The following SNX29 variants were observed in gnomAD, a reference collection of about 807,000 sequenced individuals.
SNX29 encodes sorting nexin-29.
In SNX29, 78 loss-of-function variants were observed where a neutral mutation model predicts 102.1. The ratio of observed to expected loss-of-function variants is 0.76; its 90% CI spans 0.64 to 0.92. The LOEUF (loss-of-function observed/expected upper bound fraction) is 0.92, where lower values mean the gene tolerates loss of function less well. Ranked by LOEUF, SNX29 falls within the 40% of genes least tolerant of loss-of-function variation. The pLI is 0.00. For synonymous variants in SNX29, 580 were observed against 414.5 expected (o/e 1.40, Z -4.85); for missense variants, 1,280 against 1,061.7 (o/e 1.21, Z -2.86).
intron 15 of SNX29, among the ~76,000 whole-genome samples, chr16:12,306,645 A>G (rs1410725746): frequency 6.6e-6 from 1 of 152,190 alleles, no homozygotes; most frequent in Non-Finnish European, 1.5e-5. Context: ...AAGTTTAATG[A>G]TGATTACACT....
At chr16:12,464,080 T>TC (rs1248218934) in intron 18 of SNX29, among the ~76,000 whole-genome samples, 1 of 152,076 alleles carries the variant, frequency 6.6e-6, no homozygotes, top group East Asian at 1.9e-4. Context: ...CCATAGAACT[T>TC]CACTCACGTC....
At chr16:12,207,709 G>C (rs79874415) in intron 14 of SNX29, among the ~76,000 whole-genome samples, 1 of 152,038 alleles carries the variant, frequency 6.6e-6, no homozygotes, top group African/African-American at 2.4e-5. Flanking sequence ...TTTGTGGTAC[G>C]ATCCAGCTCT....
rs983846232 is a variant in SNX29 at position 12,571,850 on chromosome 16, C to G, written c.*3221C>G. ...CCCACTTAGCAGTATGCTCCAATCA[C>G]GTTGCTGGCAAGGCATTTTAGAGTT... On this transcript the variant is annotated 3_prime_UTR_variant, in exon 21 of 21. Coordinates refer to ENST00000566228, the MANE Select transcript of SNX29 (RefSeq NM_032167.5). 1 of 1,057,942 alleles carries G rather than the reference C, an allele frequency of 9.5e-7. No homozygotes were observed. Among genetic ancestry groups the G allele is most frequent in the African/African-American group, 1.6e-5 (1 of 60,890 alleles). 65.5% of individuals were successfully genotyped at this position (1,057,942 alleles called of 1,614,324 possible). A position where few individuals can be genotyped will look rare whatever the true frequency, so the allele number is the denominator to read the frequency against.
chr16:12,014,098 A>G lies in SNX29; in HGVS notation c.122+11055A>G, dbSNP rs115813110. Among the ~76,000 whole-genome samples, 1,392 of 152,014 alleles carry G rather than the reference A, an allele frequency of 9.2e-3. 28 individuals are homozygous for G. Among genetic ancestry groups the G allele is most frequent in the African/African-American group, 0.031 (1,298 of 41,412 alleles). ...AGGTGCATGCCACTGTGCCTGGCTGAGTTTTTATTTTTTTAAAGCAAGCTT... is the reference window on the plus strand; with the variant it reads ...AGGTGCATGCCACTGTGCCTGGCTGGGTTTTTATTTTTTTAAAGCAAGCTT... On this transcript the variant is annotated intron_variant, in intron 3 of 20. Coordinates refer to ENST00000566228, the MANE Select transcript of SNX29 (RefSeq NM_032167.5).
At chr16:12,163,750 C>A (rs1835804570) in intron 13 of SNX29, among the ~76,000 whole-genome samples, 2 of 152,122 alleles carry the variant, frequency 1.3e-5, no homozygotes, top group Admixed American at 1.3e-4. Context: ...AGGACTGTTC[C>A]CTGCCTCGGC....
chr16:12,492,235 G>C (rs1280202328), intron 19 of SNX29, among the ~76,000 whole-genome samples: 1 of 152,240 alleles, frequency 6.6e-6, no homozygotes, highest in Non-Finnish European at 1.5e-5. Flanking sequence ...AATGGTGTGA[G>C]ATGGTATCTC....
rs1026662843 is a variant in SNX29 at position 12,076,112 on chromosome 16, C to A, written c.1320-2721C>A. Among the ~76,000 whole-genome samples the A allele has an allele frequency of 2.6e-5, 4 of 152,320 alleles. 1 individual carries two copies. The highest frequency in any genetic ancestry group is 9.6e-5 in the African/African-American group (4 of 41,580). ...GGAAAGGGAACTCCCTGACCCCTTGCGCTTCCCGAGTGAGGCAATGCCTCA... is the reference window on the plus strand; with the variant it reads ...GGAAAGGGAACTCCCTGACCCCTTGAGCTTCCCGAGTGAGGCAATGCCTCA... On this transcript the variant is annotated intron_variant, in intron 10 of 20. Coordinates refer to ENST00000566228, the MANE Select transcript of SNX29 (RefSeq NM_032167.5).
chr16:12,150,564 T>A (rs2055254730), intron 13 of SNX29, among the ~76,000 whole-genome samples: 1 of 152,256 alleles, frequency 6.6e-6, no homozygotes, highest in Non-Finnish European at 1.5e-5. Context: ...TGAGTCTGCA[T>A]CACAGCTTTA....
intron 20 of SNX29, among the ~76,000 whole-genome samples, chr16:12,534,159 C>T (rs925722140): frequency 1.3e-5 from 2 of 152,238 alleles, no homozygotes; most frequent in African/African-American, 2.4e-5. Context: ...GGCAGCGCGG[C>T]CTCTGCGGTT....
chr16:12,539,821 A>C (rs945491845), intron 20 of SNX29, among the ~76,000 whole-genome samples: 2 of 152,192 alleles, frequency 1.3e-5, no homozygotes, highest in Middle Eastern at 3.2e-3. Context: ...GTTTTCCTTT[A>C]ACACATCCTC....
chr16:12,524,106 A>G (rs34830789), intron 19 of SNX29, among the ~76,000 whole-genome samples: 54,469 of 151,994 alleles, frequency 0.36, 11,021 homozygotes, highest in East Asian at 0.7. Flanking sequence ...GGCTGGTCTC[A>G]AACTCCCAGC....
intron 13 of SNX29, among the ~76,000 whole-genome samples, chr16:12,132,776 C>T (rs1035316064): frequency 3.3e-5 from 5 of 152,222 alleles, no homozygotes; most frequent in African/African-American, 1.2e-4. Context: ...TGAAAGTTTG[C>T]AGTCTGTAGG....
chr16:12,548,280 G>A lies in SNX29; in HGVS notation c.2319-20226G>A, dbSNP rs149028084. 1.6e-4 allele frequency among the ~76,000 whole-genome samples: 24 copies of A among 152,282 alleles called. No homozygotes were observed. The East Asian group carries it at 3.7e-3, about 23-fold the overall frequency. ...GCTCACCAGATGTGGACCTGACTGGGAAGGCTGGAAGCTACTGTCCCTGGA... is the reference window on the plus strand; with the variant it reads ...GCTCACCAGATGTGGACCTGACTGGAAAGGCTGGAAGCTACTGTCCCTGGA... On this transcript the variant is annotated intron_variant, in intron 20 of 20. Coordinates refer to ENST00000566228, the MANE Select transcript of SNX29 (RefSeq NM_032167.5).
chr16:12,568,067 A>G (rs917478923), intron 20 of SNX29, among the ~76,000 whole-genome samples: 1 of 152,154 alleles, frequency 6.6e-6, no homozygotes, highest in Non-Finnish European at 1.5e-5. Flanking sequence ...CTTAGGATTA[A>G]TTCCACAGGA....
chr16:12,060,931 T>C, intron 8 of SNX29: 1 of 451,646 alleles, frequency 2.2e-6, no homozygotes, highest in East Asian at 7.0e-5. Flanking sequence ...ACTGGTCTGA[T>C]TCTGTCCTTT....
intron 18 of SNX29, among the ~76,000 whole-genome samples, chr16:12,472,679 G>C (rs1457984127): frequency 2.6e-5 from 4 of 152,048 alleles, no homozygotes; most frequent in African/African-American, 7.2e-5. Context: ...TCTTCTAAAA[G>C]AAAGCGTCTC....
At chr16:12,539,926 GT>G (rs2077249993) in intron 20 of SNX29, among the ~76,000 whole-genome samples, 1 of 152,170 alleles carries the variant, frequency 6.6e-6, no homozygotes, top group Non-Finnish European at 1.5e-5. Context: ...GGAGTTCTTT[GT>G]ATATGTTAGA....
chr16:12,090,600 C>T (rs548810096), intron 11 of SNX29, among the ~76,000 whole-genome samples: 8 of 152,202 alleles, frequency 5.3e-5, no homozygotes, highest in Non-Finnish European at 1.0e-4. Flanking sequence ...TAGGATGCTG[C>T]CTGGTTTCCC....
chr16:12,477,151 A>G (rs914213417), intron 18 of SNX29, among the ~76,000 whole-genome samples: 31 of 152,268 alleles, frequency 2.0e-4, no homozygotes, highest in African/African-American at 5.3e-4. Flanking sequence ...AAGAAATTCT[A>G]TGTCCCAGTT....
Sources: gnomAD v4.1 joint callset for allele counts (sites outside exome capture counted in the v4.1 genomes callset) on GRCh38, gnomAD v4.1.1 for gene constraint, MANE v1.5 for transcripts, NCBI Gene and HGNC (gene_info 2026-07-23, HGNC 2026-07-21) for gene names.